The following CEP112 variants were observed in gnomAD, a reference collection of about 807,000 sequenced individuals.
The protein encoded by CEP112 is centrosomal protein 112.
In CEP112, 127 loss-of-function variants were observed where a neutral mutation model predicts 153.0. The ratio of observed to expected loss-of-function variants is 0.83; its 90% CI spans 0.72 to 0.96. CEP112 has a LOEUF of 0.96. CEP112 is among the 40% of genes least tolerant of loss of function. The pLI is 0.00. For synonymous variants in CEP112, 358 were observed against 374.4 expected, an observed-to-expected ratio of 0.96 and a Z score of 0.51; for missense variants, 1,089 against 1,101.2, an observed-to-expected ratio of 0.99 and a Z score of 0.16.
intron 18 of CEP112, among the ~76,000 whole-genome samples, chr17:65,936,250 AACT>A (rs2061302600): frequency 1.3e-5 from 2 of 152,182 alleles, no homozygotes; most frequent in Non-Finnish European, 2.9e-5. Context: ...ATTAGCAAGA[AACT>A]TCTCAACAAA....
At chr17:65,968,772 G>A (rs1373399735) in intron 17 of CEP112, among the ~76,000 whole-genome samples, 2 of 152,132 alleles carry the variant, frequency 1.3e-5, no homozygotes, top group Non-Finnish European at 2.9e-5. Context: ...CAGAACAAGC[G>A]ATGAAAACAA....
chr17:65,758,633 C>T (rs2052425451), intron 21 of CEP112, among the ~76,000 whole-genome samples: 1 of 152,084 alleles, frequency 6.6e-6, no homozygotes, highest in African/African-American at 2.4e-5. Flanking sequence ...TTAAGGCAAG[C>T]CCAGATCTTA....
chr17:65,809,800 C>A (rs925374322), intron 21 of CEP112, among the ~76,000 whole-genome samples: 3 of 150,694 alleles, frequency 2.0e-5, no homozygotes, highest in Non-Finnish European at 4.4e-5. Flanking sequence ...ATATAGATGG[C>A]ATTTAAAGCA....
At chr17:65,904,295 C>T (rs2059988635) in intron 19 of CEP112, among the ~76,000 whole-genome samples, 1 of 152,120 alleles carries the variant, frequency 6.6e-6, no homozygotes, top group Non-Finnish European at 1.5e-5. Flanking sequence ...ACAAGCATTC[C>T]TGTACACCAA....
At chr17:66,050,047 A>G (rs1214964243) in intron 12 of CEP112, among the ~76,000 whole-genome samples, 1 of 152,212 alleles carries the variant, frequency 6.6e-6, no homozygotes, top group African/African-American at 2.4e-5. Context: ...AATAATGCCA[A>G]AAAGTCCATA....
At chr17:65,995,440 A>G (rs1475516026) in intron 17 of CEP112, among the ~76,000 whole-genome samples, 1 of 152,200 alleles carries the variant, frequency 6.6e-6, no homozygotes, top group African/African-American at 2.4e-5. Context: ...TTCTCCAGAT[A>G]GCGGCTCCCT....
At chr17:66,054,497 A>T (rs2066592405) in intron 11 of CEP112, among the ~76,000 whole-genome samples, 1 of 152,222 alleles carries the variant, frequency 6.6e-6, no homozygotes, top group South Asian at 2.1e-4. Context: ...ATACTGTTTA[A>T]ATGGATGAGC....
At chr17:65,701,402 A>C (rs1387496834) in intron 23 of CEP112, among the ~76,000 whole-genome samples, 1 of 152,230 alleles carries the variant, frequency 6.6e-6, no homozygotes, top group Non-Finnish European at 1.5e-5. Context: ...ATTCAACAGG[A>C]ATGATGATGC....
intron 20 of CEP112, among the ~76,000 whole-genome samples, chr17:65,852,863 C>T (rs1262908665): frequency 6.6e-6 from 1 of 151,868 alleles, no homozygotes; most frequent in Non-Finnish European, 1.5e-5. Flanking sequence ...TATTTTTTAT[C>T]ATTTCTTCTT....
intron 5 of CEP112, among the ~76,000 whole-genome samples, chr17:66,130,148 T>C (rs2070069046): frequency 6.6e-6 from 1 of 151,978 alleles, no homozygotes. Flanking sequence ...ACAACTGAAC[T>C]AGGGTTCTCA....
At chr17:66,071,896 G>A (rs576702493) in intron 8 of CEP112, among the ~76,000 whole-genome samples, 1 of 152,052 alleles carries the variant, frequency 6.6e-6, no homozygotes, top group Admixed American at 6.6e-5. Context: ...GAACTCAAAA[G>A]GATTTTTGTG....
At chr17:66,190,953 T>C (rs980529483) in intron 1 of CEP112, among the ~76,000 whole-genome samples, 2 of 152,200 alleles carry the variant, frequency 1.3e-5, no homozygotes, top group Non-Finnish European at 2.9e-5. Context: ...ATATTGTGGG[T>C]CATTAAAGAA....
At chr17:65,998,025 A>C (rs922844285) in intron 17 of CEP112, among the ~76,000 whole-genome samples, 1 of 152,164 alleles carries the variant, frequency 6.6e-6, no homozygotes, top group African/African-American at 2.4e-5. Context: ...TCAGAAAAAA[A>C]CAATCATTAT....
chr17:66,133,891 A>C lies in CEP112; in HGVS notation c.471-1128T>G, dbSNP rs1363131185. On this transcript the variant is annotated intron_variant, in intron 4 of 26. Transcript: ENST00000535342. ...ATAACATTCCTTAGACTAGTTAATAAGTAATGTAAAATGGCTGAAAAAGCT... is the reference window on the plus strand; with the variant it reads ...ATAACATTCCTTAGACTAGTTAATACGTAATGTAAAATGGCTGAAAAAGCT... Among the ~76,000 whole-genome samples, 4 of 152,226 alleles carry C rather than the reference A, an allele frequency of 2.6e-5. No homozygotes were observed. The East Asian group carries it at 7.7e-4, about 29-fold the overall frequency.
chr17:65,892,428 A>C (rs1443417551), intron 20 of CEP112, among the ~76,000 whole-genome samples: 1 of 152,138 alleles, frequency 6.6e-6, no homozygotes, highest in African/African-American at 2.4e-5. Flanking sequence ...AGTTAACAAT[A>C]ATTATGATTT....
chr17:65,949,009 TA>T (rs1355360438), intron 18 of CEP112, among the ~76,000 whole-genome samples: 2 of 152,088 alleles, frequency 1.3e-5, no homozygotes, highest in African/African-American at 4.8e-5. Context: ...AAGGAAGACT[TA>T]AAAATATAGA....
chr17:65,685,818 G>A (rs562193003), intron 24 of CEP112, among the ~76,000 whole-genome samples: 216 of 151,772 alleles, frequency 1.4e-3, no homozygotes, highest in Non-Finnish European at 2.4e-3. Flanking sequence ...GATTATAGGC[G>A]CCCGCCACCA....
Position 66,063,024 on chromosome 17 carries a change from G to A in CEP112, c.1013C>T (p.Ala338Val), listed in dbSNP as rs142951036. 71 of 1,599,506 alleles carry A rather than the reference G, an allele frequency of 4.4e-5. No homozygotes were observed. In the African/African-American group the frequency reaches 8.3e-4, roughly 19 times the overall value. ...TTGTTCACATATCTTTTTCAGCTCT[G>A]CAATCTGGTCTTCTTTAGTCTCTCT... ...VIRETKEDQI[A>V]ELKKICEQST... The change falls in exon 11 of 27, where the codon GCA becomes GTA. Residue 338 changes from alanine (A) to valine (V), a missense_variant. Ala to Val is a moderately conservative substitution (Grantham distance 64, BLOSUM62 0). Coordinates refer to ENST00000535342, the MANE Select transcript of CEP112 (RefSeq NM_001199165.4).
intron 6 of CEP112, among the ~76,000 whole-genome samples, chr17:66,107,634 G>A (rs753724023): frequency 6.6e-6 from 1 of 151,984 alleles, no homozygotes; most frequent in South Asian, 2.1e-4. Flanking sequence ...ACTAATGCAA[G>A]AATTTGAAGA....
Sources: gnomAD v4.1 joint callset for allele counts (sites outside exome capture counted in the v4.1 genomes callset) on GRCh38, gnomAD v4.1.1 for gene constraint, MANE v1.5 for transcripts, NCBI Gene and HGNC (gene_info 2026-07-23, HGNC 2026-07-21) for gene names.